DOCK4: variants seen among roughly 807,000 people sequenced by gnomAD.
DOCK4 encodes dedicator of cytokinesis protein 4.
A neutral mutation model predicts 268.1 loss-of-function variants in DOCK4; 97 were observed. The observed-to-expected ratio is 0.36, with a 90% CI of 0.31 to 0.43. The LOEUF is 0.43. Ranked by LOEUF, DOCK4 falls within the 20% of genes least tolerant of loss-of-function variation. The pLI is 1.00. For synonymous variants in DOCK4, 954 were observed against 887.2 expected (o/e 1.08, Z -1.34); for missense variants, 2,145 against 2,455.7 (o/e 0.87, Z 2.67).
At chr7:112,012,757 G>T (rs1482450889) in intron 1 of DOCK4, among the ~76,000 whole-genome samples, 2 of 151,984 alleles carry the variant, frequency 1.3e-5, no homozygotes, top group African/African-American at 4.8e-5. Flanking sequence ...TTAAGATACA[G>T]GATTAAGTTT....
At chr7:111,906,538 T>TGTGAAAG (rs1791584716) in intron 13 of DOCK4, among the ~76,000 whole-genome samples, 1 of 152,112 alleles carries the variant, frequency 6.6e-6, no homozygotes, top group African/African-American at 2.4e-5. Context: ...GTGGGCTGGG[T>TGTGAAAG]GGCCCCTCAT....
intron 41 of DOCK4, among the ~76,000 whole-genome samples, chr7:111,758,039 C>T (rs148533758): frequency 6.6e-6 from 1 of 152,086 alleles, no homozygotes; most frequent in Non-Finnish European, 1.5e-5. Context: ...CTACTGAGAG[C>T]AGAGAACTCA....
At chr7:111,767,182 G>A (rs1797814865) in intron 37 of DOCK4, 64 bp from the exon 38 acceptor site, 2 of 1,268,688 alleles carry the variant, frequency 1.6e-6, no homozygotes, top group African/African-American at 3.0e-5. Flanking sequence ...CTACCCAAAA[G>A]TCAGAACATG....
chr7:111,812,705 T>C (rs572462230), intron 27 of DOCK4, among the ~76,000 whole-genome samples: 9 of 152,354 alleles, frequency 5.9e-5, no homozygotes, highest in Non-Finnish European at 1.0e-4. Flanking sequence ...CTCCCCTGTT[T>C]AAGGTATTAG....
At chr7:111,995,413 TTGTGTGTGTGTG>T (rs71529492) in intron 4 of DOCK4, among the ~76,000 whole-genome samples, 1,583 of 116,976 alleles carry the variant, frequency 0.014, 15 homozygotes, top group Middle Eastern at 0.036. Context: ...AATTCTTTCT[TTGTGTGTGTGTG>T]TGTGTGTGTG....
chr7:112,197,902 A>G (rs1454243427), intron 1 of DOCK4, among the ~76,000 whole-genome samples: 1 of 149,670 alleles, frequency 6.7e-6, no homozygotes, highest in African/African-American at 2.4e-5. Context: ...TATCTCAAAA[A>G]TTGCAGGTAT....
chr7:111,813,422 G>C (rs1353076861), intron 27 of DOCK4, among the ~76,000 whole-genome samples: 1 of 152,126 alleles, frequency 6.6e-6, no homozygotes. Flanking sequence ...TAGCTTTCTT[G>C]TGGGGTAGGG....
chr7:111,946,802 G>A (rs928294375), intron 8 of DOCK4, among the ~76,000 whole-genome samples: 18 of 152,110 alleles, frequency 1.2e-4, no homozygotes, highest in Non-Finnish European at 7.4e-5. Flanking sequence ...GGCTGGTCTC[G>A]AACTCCTGGC....
intron 20 of DOCK4, among the ~76,000 whole-genome samples, chr7:111,869,871 C>A (rs1806269328): frequency 6.6e-6 from 1 of 151,990 alleles, no homozygotes. Flanking sequence ...TCAATCTGGA[C>A]ATATTCCATA....
At chr7:111,841,018 C>T (rs751341693) in intron 25 of DOCK4, 7 of 401,556 alleles carry the variant, frequency 1.7e-5, no homozygotes, top group Non-Finnish European at 2.9e-5. Context: ...CATGATATGA[C>T]TGTGACTTCT....
chr7:111,989,957 T>C (rs1483616773), intron 5 of DOCK4, among the ~76,000 whole-genome samples: 1 of 152,224 alleles, frequency 6.6e-6, no homozygotes, highest in East Asian at 1.9e-4. Flanking sequence ...TACAGCACAG[T>C]GGCAGAGAAT....
chr7:112,103,482 C>CT (rs1810866223), intron 1 of DOCK4, among the ~76,000 whole-genome samples: 1 of 152,200 alleles, frequency 6.6e-6, no homozygotes, highest in Non-Finnish European at 1.5e-5. Context: ...GCTTTATTTA[C>CT]TTAGGCAAAT....
intron 27 of DOCK4, among the ~76,000 whole-genome samples, chr7:111,813,048 A>G (rs562128780): frequency 6.6e-6 from 1 of 152,350 alleles, no homozygotes; most frequent in African/African-American, 2.4e-5. Flanking sequence ...CATATTTCCA[A>G]TTGGTTCACT....
At chr7:112,161,134 C>A (rs1224984421) in intron 1 of DOCK4, among the ~76,000 whole-genome samples, 1 of 152,134 alleles carries the variant, frequency 6.6e-6, no homozygotes, top group Non-Finnish European at 1.5e-5. Flanking sequence ...CTGGCGACCG[C>A]TAGTCAGTCT....
intron 1 of DOCK4, among the ~76,000 whole-genome samples, chr7:112,100,816 T>A (rs1180309368): frequency 6.6e-6 from 1 of 152,152 alleles, no homozygotes; most frequent in Non-Finnish European, 1.5e-5. Context: ...TAATGAAAGT[T>A]ATATATCTAC....
At chr7:111,846,505 G>T (rs1263571590) in intron 24 of DOCK4, among the ~76,000 whole-genome samples, 1 of 150,132 alleles carries the variant, frequency 6.7e-6, no homozygotes, top group Non-Finnish European at 1.5e-5. Flanking sequence ...ACAATTTGGA[G>T]ATCACTGGTG....
At chr7:111,986,137 C>T (rs1262691648) in intron 6 of DOCK4, among the ~76,000 whole-genome samples, 1 of 152,136 alleles carries the variant, frequency 6.6e-6, no homozygotes, top group African/African-American at 2.4e-5. Flanking sequence ...GACTGGCCAG[C>T]AGCTTATGAG....
At chr7:112,205,645 G>GA (rs1254117592) in intron 1 of DOCK4, among the ~76,000 whole-genome samples, 2 of 152,200 alleles carry the variant, frequency 1.3e-5, no homozygotes, top group Admixed American at 1.3e-4. Context: ...TACTGTTTTG[G>GA]GGGTGTTCTC....
chr7:111,825,780 T>C (rs546023008), intron 26 of DOCK4, among the ~76,000 whole-genome samples: 1 of 152,156 alleles, frequency 6.6e-6, no homozygotes, highest in Admixed American at 6.5e-5. Context: ...ATAGAAGTAT[T>C]TTTTCTGCAG....
Sources: allele counts gnomAD v4.1 joint callset (sites outside exome capture counted in the v4.1 genomes callset), GRCh38; gene constraint gnomAD v4.1.1; transcripts MANE v1.5; gene names NCBI Gene and HGNC (gene_info 2026-07-23, HGNC 2026-07-21).